The following RHBDD1 variants were observed in gnomAD, a reference collection of about 807,000 sequenced individuals.
RHBDD1 encodes rhomboid-related protein 4.
RHBDD1 carries 38 observed loss-of-function variants against 36.3 expected under a neutral mutation model. The ratio of observed to expected loss-of-function variants is 1.05; its 90% confidence interval spans 0.81 to 1.37. The LOEUF is 1.37. Ranked by LOEUF, RHBDD1 falls within the 40% of genes most tolerant of loss-of-function variation. The pLI is 0.00. For synonymous variants in RHBDD1, 151 were observed against 136.5 expected (o/e 1.11, Z -0.74); for missense variants, 393 against 377.6 (o/e 1.04, Z -0.34).
intron 8 of RHBDD1, among the ~76,000 whole-genome samples, chr2:226,973,375 G>A (rs1953942138): frequency 6.6e-6 from 1 of 152,200 alleles, no homozygotes; most frequent in South Asian, 2.1e-4. Flanking sequence ...GTGGGTGCCT[G>A]GGGGAGATGT....
At chr2:226,947,744 A>T (rs970641428) in intron 8 of RHBDD1, among the ~76,000 whole-genome samples, 4 of 152,326 alleles carry the variant, frequency 2.6e-5, no homozygotes, top group African/African-American at 9.6e-5. Context: ...ACCCCATCAA[A>T]AAGTGGGCGA....
the RHBDD1 span, among the ~76,000 whole-genome samples, chr2:226,822,507 C>T: frequency 6.6e-6 from 1 of 151,452 alleles, no homozygotes; most frequent in East Asian, 2.0e-4. Context: ...TGGTGGTGGG[C>T]ACCTGTAATC....
At chr2:226,817,828 A>G in the RHBDD1 span, among the ~76,000 whole-genome samples, 1 of 152,192 alleles carries the variant, frequency 6.6e-6, no homozygotes, top group Non-Finnish European at 1.5e-5. Flanking sequence ...GAGACCTAAT[A>G]AATAAAAAAT....
intron 8 of RHBDD1, among the ~76,000 whole-genome samples, chr2:226,983,269 G>A (rs903963209): frequency 1.3e-5 from 2 of 151,986 alleles, no homozygotes; most frequent in African/African-American, 4.8e-5. Flanking sequence ...CAAGCTCCCC[G>A]ACGTGGATTT....
intron 8 of RHBDD1, among the ~76,000 whole-genome samples, chr2:226,991,335 C>T (rs1007022061): frequency 3.3e-5 from 5 of 152,216 alleles, no homozygotes; most frequent in African/African-American, 9.7e-5. Flanking sequence ...GCCCAAGCCA[C>T]CACACCCAGC....
At chr2:226,981,219 G>A (rs548576946) in intron 8 of RHBDD1, among the ~76,000 whole-genome samples, 53 of 152,294 alleles carry the variant, frequency 3.5e-4, no homozygotes, top group Non-Finnish European at 7.2e-4. Context: ...GCCTGTCATG[G>A]GGTGAGGGAT....
chr2:226,808,011 T>C, the RHBDD1 span, among the ~76,000 whole-genome samples: 1 of 147,708 alleles, frequency 6.8e-6, no homozygotes, highest in Non-Finnish European at 1.5e-5. Context: ...CGAGACTCTG[T>C]CTCAAAAAAA....
chr2:226,956,288 A>G (rs1176112918), intron 8 of RHBDD1, among the ~76,000 whole-genome samples: 1 of 152,092 alleles, frequency 6.6e-6, no homozygotes, highest in Non-Finnish European at 1.5e-5. Context: ...CCTTCTCCCT[A>G]GAGTCACATA....
chr2:226,940,835 TC>T (rs1292035018), intron 8 of RHBDD1, among the ~76,000 whole-genome samples: 2 of 152,186 alleles, frequency 1.3e-5, no homozygotes, highest in African/African-American at 4.8e-5. Context: ...ATTGACAGTG[TC>T]CTGCCCTAGG....
chr2:226,857,097 G>A (rs1410144802), intron 3 of RHBDD1, among the ~76,000 whole-genome samples: 1 of 74,364 alleles, frequency 1.3e-5, no homozygotes, highest in Non-Finnish European at 2.2e-5. Flanking sequence ...GTGTAAGAGA[G>A]TGTGTGTGTG....
At chr2:226,928,917 TC>T (rs1406456924) in intron 8 of RHBDD1, among the ~76,000 whole-genome samples, 7 of 152,014 alleles carry the variant, frequency 4.6e-5, no homozygotes. Context: ...AATGGATAAA[TC>T]CCTGGAAATA....
chr2:226,884,321 G>T (rs192377286), intron 5 of RHBDD1, among the ~76,000 whole-genome samples: 1 of 152,004 alleles, frequency 6.6e-6, no homozygotes, highest in African/African-American at 2.4e-5. Flanking sequence ...GACAGTTGGG[G>T]CTATGAGTTG....
At chr2:226,950,944 T>A (rs1951381907) in intron 8 of RHBDD1, among the ~76,000 whole-genome samples, 1 of 152,216 alleles carries the variant, frequency 6.6e-6, no homozygotes, top group South Asian at 2.1e-4. Flanking sequence ...CTTTGTTTCC[T>A]TTGTGGTGCA....
At chr2:226,895,214 C>T (rs1256681218) in intron 5 of RHBDD1, among the ~76,000 whole-genome samples, 1 of 152,204 alleles carries the variant, frequency 6.6e-6, no homozygotes, top group African/African-American at 2.4e-5. Flanking sequence ...GATGAGGGCA[C>T]GGTTACATGA....
chr2:226,959,180 T>TA (rs1952004871), intron 8 of RHBDD1, among the ~76,000 whole-genome samples: 1 of 152,194 alleles, frequency 6.6e-6, no homozygotes, highest in African/African-American at 2.4e-5. Flanking sequence ...GTTCTAGGAA[T>TA]AATGATACCT....
chr2:226,970,212 T>C (rs1303186489), intron 8 of RHBDD1, among the ~76,000 whole-genome samples: 3 of 152,000 alleles, frequency 2.0e-5, no homozygotes. Flanking sequence ...TTTCCCCTTT[T>C]ACCTACTATT....
the RHBDD1 span, among the ~76,000 whole-genome samples, chr2:226,812,645 C>G: frequency 7.0e-6 from 1 of 143,290 alleles, no homozygotes; most frequent in Admixed American, 6.9e-5. Flanking sequence ...CTCTCTCTCT[C>G]TCTTTTTTTT....
the RHBDD1 span, among the ~76,000 whole-genome samples, chr2:226,803,243 G>C: frequency 1.3e-5 from 2 of 152,008 alleles, no homozygotes; most frequent in Admixed American, 1.3e-4. Context: ...TAGATAAAAA[G>C]ACAGCTTCTT....
At chr2:226,928,331 A>C (rs1247859381) in intron 8 of RHBDD1, among the ~76,000 whole-genome samples, 1 of 152,138 alleles carries the variant, frequency 6.6e-6, no homozygotes, top group Admixed American at 6.6e-5. Context: ...GTAAAACTAG[A>C]AATCAGTTCT....
Sources: allele counts gnomAD v4.1 joint callset (sites outside exome capture counted in the v4.1 genomes callset), GRCh38; gene constraint gnomAD v4.1.1; transcripts MANE v1.5; gene names NCBI Gene and HGNC (gene_info 2026-07-23, HGNC 2026-07-21).